The following ZNFX1 variants were observed in gnomAD, a reference collection of about 807,000 sequenced individuals.
ZNFX1 encodes the protein NFX1-type zinc finger-containing protein 1.
In ZNFX1, 78 loss-of-function variants were observed where a neutral mutation model predicts 179.8. The ratio of observed to expected loss-of-function variants is 0.43; its 90% CI spans 0.36 to 0.52. ZNFX1 has a LOEUF of 0.52. ZNFX1 is among the 20% of genes least tolerant of loss of function. The pLI, the probability that ZNFX1 is intolerant of heterozygous loss-of-function variation, is 0.00. For missense variants in ZNFX1, 1,927 were observed against 2,386.6 expected (o/e 0.81, Z 4.01); for synonymous variants, 848 against 868.5 (o/e 0.98, Z 0.42).
In ZNFX1 at chr20:49,249,411, C is replaced by T. The variant is rs754197137; in HGVS notation, c.3613G>A (p.Glu1205Lys). The change falls in exon 14 of 14, where the codon GAA becomes AAA. Residue 1205 changes from glutamate to lysine, a missense_variant. Transcript: ENST00000396105. Reference sequence around the variant, plus strand: ...ATCTGCAGAAAACCCACCTTGCCTTCTTGGTTGCTCCGCACTAGCGAGAGG... The same window carrying T: ...ATCTGCAGAAAACCCACCTTGCCTTTTTGGTTGCTCCGCACTAGCGAGAGG... Reference protein sequence around the residue: ...ILLSLVRSNQEGKVGFLQISN... With the variant: ...ILLSLVRSNQKGKVGFLQISN... 1.2e-6 allele frequency: 2 copies of T among 1,614,136 alleles called. No homozygotes were observed. The highest frequency in any genetic ancestry group is 1.3e-5 in the African/African-American group (1 of 74,954).
At position 49,249,384 on chromosome 20, in the gene ZNFX1, A is replaced by G. The variant is rs1273405078; in HGVS notation, c.3640T>C (p.Ser1214Pro). 9.9e-6 allele frequency: 16 copies of G among 1,614,214 alleles called. No individual in the cohort carries two copies. The highest frequency in any genetic ancestry group is 3.3e-5 in the Admixed American group (2 of 60,026). ...QEGKVGFLQI[S>P]NRICVALSRA... is the part of the protein sequence containing the mutation. ...GACAAGGCCACACAGATGCGGTTGG[A>G]TATCTGCAGAAAACCCACCTTGCCT... Residue 1214 changes from serine to proline, a missense_variant, in exon 14 of 14, where the codon TCC becomes CCC. By Grantham distance (74) the Ser-to-Pro change is moderately conservative (BLOSUM62 -1). Coordinates refer to ENST00000396105, the MANE Select transcript of ZNFX1 (RefSeq NM_021035.3).
At chr20:49,268,836 A>C (rs1397599338) in intron 3 of ZNFX1, among the ~76,000 whole-genome samples, 6 of 152,134 alleles carry the variant, frequency 3.9e-5, no homozygotes, top group Admixed American at 1.3e-4. Flanking sequence ...ATAAACAGTC[A>C]AAAAAAAGTC....
At chr20:49,258,482 C>G (rs1167154759) in intron 7 of ZNFX1, among the ~76,000 whole-genome samples, 1 of 152,012 alleles carries the variant, frequency 6.6e-6, no homozygotes, top group Admixed American at 6.6e-5. Context: ...TTACGTTTTA[C>G]GTTAAAAAAT....
At chr20:49,258,656 A>G (rs1981035021) in intron 7 of ZNFX1, among the ~76,000 whole-genome samples, 1 of 147,186 alleles carries the variant, frequency 6.8e-6, no homozygotes, top group African/African-American at 2.5e-5. Flanking sequence ...AAATACAAAA[A>G]TTAGCCAAGT....
intron 3 of ZNFX1, among the ~76,000 whole-genome samples, chr20:49,269,722 A>G (rs768775345): frequency 2.0e-5 from 3 of 152,162 alleles, no homozygotes; most frequent in African/African-American, 2.4e-5. Context: ...ATCAGGTACT[A>G]TGCTCATTAC....
intron 8 of ZNFX1, 120 bp downstream of exon 8, chr20:49,257,297 G>C (rs1015748942): frequency 1.5e-6 from 2 of 1,373,388 alleles, no homozygotes; most frequent in Non-Finnish European, 2.0e-6. Context: ...CCAGGGGTAG[G>C]CTGTAATACA....
intron 8 of ZNFX1, 152 bp from the exon 9 acceptor site, chr20:49,256,099 G>A: frequency 2.0e-6 from 2 of 1,001,794 alleles, no homozygotes; most frequent in Non-Finnish European, 2.8e-6. Flanking sequence ...TTCCACTGTA[G>A]AGTGGCTAAA....
chr20:49,269,874 AG>A (rs781664214), intron 3 of ZNFX1, 67 bp downstream of exon 3: 30 of 1,491,668 alleles, frequency 2.0e-5, no homozygotes, highest in Non-Finnish European at 2.6e-5. Flanking sequence ...AGAAACCTAG[AG>A]TGAAGGCTCC....
rs1306297418 is a variant in ZNFX1 at position 49,246,696 on chromosome 20, A to G, written c.*571T>C. 6 of 370,408 alleles carry G rather than the reference A, an allele frequency of 1.6e-5. No homozygotes were observed. The highest frequency in any genetic ancestry group is 6.4e-5 in the African/African-American group (3 of 46,694). 22.9% of individuals were successfully genotyped at this position (370,408 alleles called of 1,614,324 possible). A position where few individuals can be genotyped will look rare whatever the true frequency, so the allele number is the denominator to read the frequency against. ...TAGGTGGCCCTAGGTGGAAGCCCCAAACATGTTCCAGGGAGTCTGTCCACT... is the reference window on the plus strand; with the variant it reads ...TAGGTGGCCCTAGGTGGAAGCCCCAGACATGTTCCAGGGAGTCTGTCCACT... On this transcript the variant is annotated 3_prime_UTR_variant, in exon 14 of 14. Coordinates refer to ENST00000396105, the MANE Select transcript of ZNFX1 (RefSeq NM_021035.3).
intron 3 of ZNFX1, 25 bp downstream of exon 3, chr20:49,269,917 T>C (rs753591106): frequency 3.8e-6 from 6 of 1,564,976 alleles, no homozygotes; most frequent in African/African-American, 2.8e-5. Context: ...GCAGATCTTA[T>C]GTACTCTAAA....
At chr20:49,264,088 G>A (rs1981181539) in intron 5 of ZNFX1, among the ~76,000 whole-genome samples, 1 of 152,190 alleles carries the variant, frequency 6.6e-6, no homozygotes, top group Non-Finnish European at 1.5e-5. Context: ...CAGGTGTGAT[G>A]GCGGGCGCCT....
intron 4 of ZNFX1, among the ~76,000 whole-genome samples, chr20:49,265,507 A>C (rs1031568990): frequency 3.9e-5 from 6 of 152,212 alleles, no homozygotes; most frequent in African/African-American, 1.4e-4. Context: ...TATTTTTAAG[A>C]ATCTAATATT....
rs903278327 is a variant in ZNFX1 at position 49,273,854 on chromosome 20, C to T, written c.61+1925G>A. ...CTGAGGTGGGATGATTGCTTGAGCC[C>T]GGGAGGTCGGGGCTGCAGTAAGCCA... is the stretch of plus-strand genomic sequence containing the variant. On this transcript the variant is annotated intron_variant, in intron 2 of 13. Coordinates refer to ENST00000396105, the MANE Select transcript of ZNFX1 (RefSeq NM_021035.3). Among the ~76,000 whole-genome samples the T allele has an allele frequency of 3.3e-5, 5 of 152,034 alleles. No individual in the cohort carries two copies. In the East Asian group the frequency reaches 7.7e-4, roughly 23 times the overall value.
intron 8 of ZNFX1, among the ~76,000 whole-genome samples, chr20:49,256,469 C>T (rs995609364): frequency 3.3e-5 from 5 of 152,148 alleles, no homozygotes; most frequent in African/African-American, 7.2e-5. Context: ...CCTGCTAAAA[C>T]GGTCCTACTG....
Position 49,248,941 on chromosome 20 carries a change from G to A in ZNFX1, c.4083C>T (p.Val1361=). Residue 1361 remains valine, a synonymous_variant, in exon 14 of 14, where the codon GTC becomes GTT. Transcript: ENST00000396105. This position sits in a 1 kb window ranked among gnomAD's most constrained non-coding sequence, Gnocchi z 4.6. ...TIPRCGHEQM[V]PCSVPESDFC... ...AATCTGACTCAGGCACGGAACAAGG[G>A]ACCATTTGTTCATGGCCGCACCGAG... is the stretch of plus-strand genomic sequence containing the variant. 6.2e-7 allele frequency: 1 copy of A among 1,614,202 alleles called. No individual in the cohort carries two copies. The highest frequency in any genetic ancestry group is 8.5e-7 in the Non-Finnish European group (1 of 1,180,028).
chr20:49,250,254 A>G (rs1169161097), intron 13 of ZNFX1, among the ~76,000 whole-genome samples: 1 of 152,152 alleles, frequency 6.6e-6, no homozygotes, highest in East Asian at 1.9e-4. Context: ...GTGAGACTCC[A>G]TCTCAAAAAA....
In ZNFX1 at chr20:49,271,683, G is replaced by A. The variant is rs756511657; in HGVS notation, c.129C>T (p.Leu43=). ...TTCCAGGGTGGCTGGCTCCTCCTCGGAGAGCATTGGCTGGTGGGTTATTGG... is the reference window on the plus strand; with the variant it reads ...TTCCAGGGTGGCTGGCTCCTCCTCGAAGAGCATTGGCTGGTGGGTTATTGG... ...NQANNPPANA[L]RGGASHPGRH... is the part of the protein sequence containing the mutation. Residue 43 remains leucine, a synonymous_variant, in exon 3 of 14, where the codon CTC becomes CTT. Coordinates refer to ENST00000396105, the MANE Select transcript of ZNFX1 (RefSeq NM_021035.3). The A allele has an allele frequency of 6.3e-5, 102 of 1,613,670 alleles. No homozygotes were observed. In the Admixed American group the frequency reaches 1.6e-3, roughly 26 times the overall value.
chr20:49,270,134 A>C lies in ZNFX1; in HGVS notation c.1678T>G (p.Leu560Val). 1.9e-6 allele frequency: 3 copies of C among 1,614,174 alleles called. No homozygotes were observed. Among genetic ancestry groups the C allele is most frequent in the Non-Finnish European group, 2.5e-6 (3 of 1,180,024 alleles). ...CCAGTGGCTGAAGGATTCTCTATTA[A>C]GGGGGTAAAGTCGTATCTGCCCCCC... The part of the protein sequence containing the change: ...LMGGRYDFTP[L>V]IENPSATGEF... Residue 560 changes from leucine to valine, a missense_variant, in exon 3 of 14, where the codon TTA becomes GTA. Physicochemically the swap from Leu to Val is conservative, Grantham distance 32. Coordinates refer to ENST00000396105, the MANE Select transcript of ZNFX1 (RefSeq NM_021035.3). The surrounding 1 kb of genome is among the most constrained non-coding windows in gnomAD (Gnocchi z 4.6).
rs770103668 is a variant in ZNFX1 at position 49,270,570 on chromosome 20, G to A, written c.1242C>T (p.Thr414=). 5.0e-6 allele frequency: 8 copies of A among 1,614,192 alleles called. No homozygotes were observed. Among genetic ancestry groups the A allele is most frequent in the Admixed American group, 1.7e-5 (1 of 60,032 alleles). ...ATGAACACATGGGGGTGATAATCCT[G>A]GTGTCAAAGTAGATTCGGATGTCAT... ...KFDDIRIYFD[T]RIITPMCSSS... The change falls in exon 3 of 14, where the codon ACC becomes ACT. Residue 414 remains threonine, a synonymous_variant. Transcript: ENST00000396105. The surrounding 1 kb of genome is among the most constrained non-coding windows in gnomAD (Gnocchi z 4.6).
Sources: gnomAD v4.1 joint callset for allele counts (sites outside exome capture counted in the v4.1 genomes callset) on GRCh38, gnomAD v4.1.1 for gene constraint, Gnocchi (gnomAD v3.1) non-coding constraint, MANE v1.5 for transcripts, NCBI Gene and HGNC (gene_info 2026-07-23, HGNC 2026-07-21) for gene names.